Variants in GREB1 observed in about 807,000 individuals in gnomAD.
GREB1 encodes the protein growth regulating estrogen receptor binding 1, also known as protein GREB1.
GREB1 carries 106 observed loss-of-function variants against 200.7 expected under a neutral mutation model. The ratio of observed to expected loss-of-function variants is 0.53; its 90% confidence interval spans 0.45 to 0.62. The LOEUF (loss-of-function observed/expected upper bound fraction) is 0.62, where lower values mean the gene tolerates loss of function less well. GREB1 is among the 20% of genes least tolerant of loss of function. The pLI is 0.00. For missense variants in GREB1, 2,243 were observed against 2,556.8 expected (o/e 0.88, Z 2.65); for synonymous variants, 1,132 against 1,092.4 (o/e 1.04, Z -0.72).
chr2:11,496,101 G>C (rs1247685011), intron 1 of GREB1, among the ~76,000 whole-genome samples: 2 of 152,136 alleles, frequency 1.3e-5, no homozygotes, highest in Non-Finnish European at 2.9e-5. Context: ...GCACGCAGTG[G>C]AGGTGCTGCT....
At chr2:11,504,059 A>G (rs1197849099) in intron 1 of GREB1, among the ~76,000 whole-genome samples, 2 of 152,200 alleles carry the variant, frequency 1.3e-5, no homozygotes, top group Non-Finnish European at 2.9e-5. Context: ...ACTGTAATAA[A>G]AGTTAAGTGA....
rs770302348 is a variant in GREB1 at position 11,630,014 on chromosome 2, C to T, written c.4516C>T (p.His1506Tyr). 3.7e-6 allele frequency: 6 copies of T among 1,614,076 alleles called. No homozygotes were observed. Among genetic ancestry groups the T allele is most frequent in the African/African-American group, 1.3e-5 (1 of 74,936 alleles). ...CATGCTAGGAGAGGAGATCCAGCTG[C>T]ACTTCATCATCCCCAAGTCCAAGGA... is the stretch of plus-strand genomic sequence containing the variant. ...YSMLGEEIQLHFIIPKSKEHH... is the reference protein window; with the variant it reads ...YSMLGEEIQLYFIIPKSKEHH... Residue 1506 changes from histidine to tyrosine, a missense_variant, in exon 26 of 33, where the codon CAC (histidine) becomes TAC (tyrosine). Physicochemically the swap from His to Tyr is moderately conservative, Grantham distance 83 (BLOSUM62 2). Transcript: ENST00000381486.
chr2:11,502,285 G>C (rs1453980450), intron 1 of GREB1, among the ~76,000 whole-genome samples: 1 of 148,864 alleles, frequency 6.7e-6, no homozygotes, highest in Non-Finnish European at 1.5e-5. Context: ...CAGTGGTATG[G>C]TAACAGCTCA....
rs532886799 is a variant in GREB1, at chr2:11,593,142, C to T, written c.1696+16C>T. On this transcript the variant is annotated intron_variant, in intron 11 of 32. Coordinates refer to ENST00000381486, the MANE Select transcript of GREB1 (RefSeq NM_014668.4). Reference sequence around the variant, plus strand: ...GCCGTCACCGGTGAGCTCTGGGCCGCGCGGCTGCGGGAAAGCCCCCTGAAC... The same window carrying T: ...GCCGTCACCGGTGAGCTCTGGGCCGTGCGGCTGCGGGAAAGCCCCCTGAAC... 3 of 1,534,340 alleles carry T rather than the reference C, an allele frequency of 2.0e-6. No homozygotes were observed. Among genetic ancestry groups the T allele is most frequent in the East Asian group, 2.4e-5 (1 of 42,276 alleles).
intron 7 of GREB1, among the ~76,000 whole-genome samples, chr2:11,582,354 G>T (rs368475646): frequency 6.6e-6 from 1 of 152,214 alleles, no homozygotes; most frequent in African/African-American, 2.4e-5. Flanking sequence ...TCCAGAATCT[G>T]GCTCCAGCCC....
At chr2:11,586,849 G>A (rs1042239107) in intron 9 of GREB1, among the ~76,000 whole-genome samples, 1 of 152,186 alleles carries the variant, frequency 6.6e-6, no homozygotes, top group African/African-American at 2.4e-5. Context: ...GACCGAGGCA[G>A]TTCCACTGGG....
At chr2:11,585,487 A>G in intron 8 of GREB1, among the ~76,000 whole-genome samples, 1 of 152,262 alleles carries the variant, frequency 6.6e-6, no homozygotes, top group African/African-American at 2.4e-5. Flanking sequence ...TCCGTGTATG[A>G]TAGTGAGTTC....
chr2:11,583,015 C>G (rs1200578617), intron 7 of GREB1, among the ~76,000 whole-genome samples: 1 of 152,044 alleles, frequency 6.6e-6, no homozygotes, highest in African/African-American at 2.4e-5. Context: ...CCGCACCAAA[C>G]AGGCTACATA....
At chr2:11,560,299 T>C (rs1389350681) in intron 2 of GREB1, among the ~76,000 whole-genome samples, 3 of 152,224 alleles carry the variant, frequency 2.0e-5, no homozygotes, top group Non-Finnish European at 4.4e-5. Context: ...ATTTCATCAT[T>C]AACCTAGGTT....
Position 11,616,613 on chromosome 2 carries a change from G to C in GREB1, c.3323-18G>C, listed in dbSNP as rs774236753. On this transcript the variant is annotated intron_variant, in intron 20 of 32. Transcript: ENST00000381486. ...ATGGTGATTTCGGTGCATTCTCAGC[G>C]TGTGTGTTTTGGAACAGGCTCTACC... is the stretch of plus-strand genomic sequence containing the variant. 1.3e-6 allele frequency: 2 copies of C among 1,496,240 alleles called. No individual in the cohort carries two copies. Among genetic ancestry groups the C allele is most frequent in the Non-Finnish European group, 1.9e-6 (2 of 1,072,480 alleles). 92.7% of individuals were successfully genotyped at this position (1,496,240 alleles called of 1,614,324 possible).
intron 1 of GREB1, among the ~76,000 whole-genome samples, chr2:11,504,387 G>A (rs773965176): frequency 6.6e-6 from 1 of 152,182 alleles, no homozygotes; most frequent in African/African-American, 2.4e-5. Flanking sequence ...TCTTCAAAGC[G>A]ATTTTTTAAT....
rs1685807165 is a variant in GREB1, at chr2:11,641,497, T to TGTTTTGTTTTGTTTC, written c.*1048_*1049insGTTTTGTTTCGTTTT. 1 of 152,488 alleles carries TGTTTTGTTTTGTTTC rather than the reference T, an allele frequency of 6.6e-6. No homozygotes were observed. The highest frequency in any genetic ancestry group is 1.9e-4 in the East Asian group (1 of 5,206). 9.4% of individuals were successfully genotyped at this position (152,488 alleles called of 1,614,324 possible). On this transcript the variant is annotated 3_prime_UTR_variant, in exon 33 of 33. Coordinates refer to ENST00000381486, the MANE Select transcript of GREB1 (RefSeq NM_014668.4). ...TGTTTTGTTTTGTTTTGTTTTGTTT[T>TGTTTTGTTTTGTTTC]GTTTTTGAGATGGACTCTAGCTCTG... is the stretch of plus-strand genomic sequence containing the variant.
intron 9 of GREB1, chr2:11,587,693 TAACACACACACACACACACACACACACA>T (rs1457054298): frequency 7.1e-6 from 7 of 980,320 alleles, no homozygotes; most frequent in Admixed American, 6.3e-5. Context: ...GAGTACAAGA[TAACACACACACACACACACACACACACA>T]CACACACACA....
Position 11,600,939 on chromosome 2 carries a change from C to A in GREB1, c.2473C>A (p.Gln825Lys). The A allele has an allele frequency of 6.2e-7, 1 of 1,614,162 alleles. No homozygotes were observed. Among genetic ancestry groups the A allele is most frequent in the Non-Finnish European group, 8.5e-7 (1 of 1,180,012 alleles). Residue 825 changes from glutamine to lysine, a missense_variant, in exon 16 of 33, where the codon CAG becomes AAG. Physicochemically the swap from Gln to Lys is moderately conservative, Grantham distance 53. Around this residue, in one of 3 missense-constraint regions of GREB1, gnomAD observed 1,178 missense variants for 1,387.4 expected, o/e 0.85. Coordinates refer to ENST00000381486, the MANE Select transcript of GREB1 (RefSeq NM_014668.4). Reference sequence around the variant, plus strand: ...CTCCTTCCCGTATGCACTGCAGACACAGCACACCCTCATCAGCCCCTACAA... The same window carrying A: ...CTCCTTCCCGTATGCACTGCAGACAAAGCACACCCTCATCAGCCCCTACAA... ...VTSFPYALQTQHTLISPYNEI... is the reference protein window; with the variant it reads ...VTSFPYALQTKHTLISPYNEI...
At position 11,615,283 on chromosome 2, in the gene GREB1, G is replaced by T. The variant is rs374050575; in HGVS notation, c.3315G>T (p.Gly1105=). 134 of 1,582,196 alleles carry T rather than the reference G, an allele frequency of 8.5e-5. No homozygotes were observed. The highest frequency in any genetic ancestry group is 1.1e-4 in the Non-Finnish European group (124 of 1,163,104). The change falls in exon 20 of 33, where the codon GGG becomes GGT. Residue 1105 remains glycine, a synonymous_variant. Transcript: ENST00000381486. Reference sequence around the variant, plus strand: ...CAGACAACGAGGATGAGGAGCTGGGGACAGAAGGTGAGGGATGGCTGCCCT... The same window carrying T: ...CAGACAACGAGGATGAGGAGCTGGGTACAGAAGGTGAGGGATGGCTGCCCT... ...SSTDNEDEEL[G]TEGSTSEKRS...
At chr2:11,621,483 A>C (rs1326836187) in intron 23 of GREB1, among the ~76,000 whole-genome samples, 1 of 152,228 alleles carries the variant, frequency 6.6e-6, no homozygotes, top group Non-Finnish European at 1.5e-5. Context: ...ATAGAAATAC[A>C]TGAAATGTGG....
At position 11,556,652 on chromosome 2, in the gene GREB1, G is replaced by A. The variant is rs753609484; in HGVS notation, c.38G>A (p.Arg13His). The A allele has an allele frequency of 6.2e-6, 10 of 1,613,520 alleles. No homozygotes were observed. In the African/African-American group the frequency reaches 8.0e-5, roughly 13 times the overall value. The change falls in exon 2 of 33, where the codon CGC becomes CAC. Residue 13 changes from arginine (R) to histidine (H), a missense_variant. Arg to His is a conservative substitution (Grantham distance 29, BLOSUM62 0). This residue lies in a region of GREB1 where 1,178 missense variants were observed against 1,387.4 expected (regional missense o/e 0.85). Coordinates refer to ENST00000381486, the MANE Select transcript of GREB1 (RefSeq NM_014668.4). The stretch of plus-strand genomic sequence containing the variant: ...TACGCTGGACAGCTGAAGACGACAC[G>A]CTTTGAAGAGGTCTTGCACAATTCC... ...NSYAGQLKTT[R>H]FEEVLHNSIE...
intron 1 of GREB1, among the ~76,000 whole-genome samples, chr2:11,526,105 G>A (rs1170726170): frequency 6.6e-6 from 1 of 152,176 alleles, no homozygotes; most frequent in South Asian, 2.1e-4. Flanking sequence ...AAAATCCATA[G>A]AGGGCTTGAG....
In GREB1 at chr2:11,593,031, G is replaced by A; in HGVS notation, c.1601G>A (p.Arg534Gln). The A allele has an allele frequency of 1.9e-6, 3 of 1,613,248 alleles. No homozygotes were observed. The highest frequency in any genetic ancestry group is 2.5e-6 in the Non-Finnish European group (3 of 1,179,790). Residue 534 changes from arginine (R) to glutamine (Q), a missense_variant, in exon 11 of 33, where the codon CGG becomes CAG. Transcript: ENST00000381486. ...GCCGAGGGCCTCTCCGAGATGTTCCGGCTGTTGGTCGAGGGCAAGCTTGCC... is the reference window on the plus strand; with the variant it reads ...GCCGAGGGCCTCTCCGAGATGTTCCAGCTGTTGGTCGAGGGCAAGCTTGCC... The part of the protein sequence containing the change: ...SLAEGLSEMF[R>Q]LLVEGKLAKT...
Sources: allele counts gnomAD v4.1 joint callset (sites outside exome capture counted in the v4.1 genomes callset), GRCh38; gene constraint gnomAD v4.1.1; regional missense constraint gnomAD v4.1.1; transcripts MANE v1.5; gene names NCBI Gene and HGNC (gene_info 2026-07-23, HGNC 2026-07-21).